Variants in FAP observed in about 807,000 individuals in gnomAD.
The protein encoded by FAP is fibroblast activation protein alpha.
Under a neutral mutation model 126.5 loss-of-function variants are expected in FAP, and 110 were observed. The observed-to-expected ratio is 0.87, with a 90% CI of 0.74 to 1.02. The LOEUF (loss-of-function observed/expected upper bound fraction) is 1.02. FAP is among the 50% of genes least tolerant of loss of function. The probability of loss-of-function intolerance (pLI) is 0.00; values close to 1 mark genes in which losing one functional copy is unlikely to be tolerated. For missense variants in FAP, 919 were observed against 909.2 expected, an observed-to-expected ratio of 1.01 and a Z score of -0.14; for synonymous variants, 334 against 297.3, an observed-to-expected ratio of 1.12 and a Z score of -1.27.
At chr2:162,217,749 C>T (rs1480197452) in intron 9 of FAP, among the ~76,000 whole-genome samples, 1 of 152,106 alleles carries the variant, frequency 6.6e-6, no homozygotes, top group South Asian at 2.1e-4. Context: ...ATGATCAAGA[C>T]CATATGTTTT....
chr2:162,212,211 A>T lies in FAP; in HGVS notation c.1002+1727T>A, dbSNP rs546155652. 4.6e-5 allele frequency among the ~76,000 whole-genome samples: 7 copies of T among 152,324 alleles called. No homozygotes were observed. In the East Asian group the frequency reaches 1.3e-3, roughly 29 times the overall value. On this transcript the variant is annotated intron_variant, in intron 11 of 25. Coordinates refer to ENST00000188790, the MANE Select transcript of FAP (RefSeq NM_004460.5). ...AATTAGAATTTCAGATTTCAAAGCA[A>T]TCACAGTTTTAAAATTCCTAGTTTT... is the stretch of plus-strand genomic sequence containing the variant.
At position 162,210,016 on chromosome 2, in the gene FAP, A is replaced by G. The variant is rs1688860646; in HGVS notation, c.1003-20T>C. On this transcript the variant is annotated intron_variant, in intron 11 of 25. Transcript: ENST00000188790. ...CTGGGTCTAAAAGACAAAAGATCAC[A>G]TCGAACATAGTATTAGGAGAACATT... 1 of 1,609,144 alleles carries G rather than the reference A, an allele frequency of 6.2e-7. No homozygotes were observed. The highest frequency in any genetic ancestry group is 1.3e-5 in the African/African-American group (1 of 74,906).
At chr2:162,192,139 T>G (rs1474402051) in intron 17 of FAP, among the ~76,000 whole-genome samples, 1 of 152,118 alleles carries the variant, frequency 6.6e-6, no homozygotes, top group Non-Finnish European at 1.5e-5. Context: ...TTTACAGCCA[T>G]CGTCCCACCA....
At chr2:162,192,585 G>C (rs2106231712) in intron 17 of FAP, among the ~76,000 whole-genome samples, 1 of 152,114 alleles carries the variant, frequency 6.6e-6, no homozygotes, top group Admixed American at 6.6e-5. Context: ...TCCAAGGCCT[G>C]AGTTACCACA....
At chr2:162,216,442 G>A (rs1689164165) in intron 9 of FAP, among the ~76,000 whole-genome samples, 1 of 151,962 alleles carries the variant, frequency 6.6e-6, no homozygotes. Context: ...TTTTGCTTTT[G>A]CCATATGATT....
rs536759386 is a variant in FAP at position 162,236,618 on chromosome 2, G to C, written c.91+6290C>G. Among the ~76,000 whole-genome samples the C allele has an allele frequency of 1.3e-4, 15 of 114,424 alleles. 1 individual carries two copies. Among genetic ancestry groups the C allele is most frequent in the African/African-American group, 6.9e-4 (10 of 14,544 alleles). 75.1% of individuals were successfully genotyped at this position (114,424 alleles called of 152,430 possible). On this transcript the variant is annotated intron_variant, in intron 2 of 25. Transcript: ENST00000188790. Reference sequence around the variant, plus strand: ...TATCTGATTTTGTTTTGTTTTTGGTGGGGGGGCAGGGAGACAGAGTCTTGC... The same window carrying C: ...TATCTGATTTTGTTTTGTTTTTGGTCGGGGGGCAGGGAGACAGAGTCTTGC...
intron 21 of FAP, among the ~76,000 whole-genome samples, chr2:162,177,192 C>T (rs530809688): frequency 1.3e-5 from 2 of 152,196 alleles, no homozygotes; most frequent in Admixed American, 6.6e-5. Context: ...TGCACTTAGA[C>T]GCCTTGCCAT....
chr2:162,211,240 C>T (rs2106262270), intron 11 of FAP, among the ~76,000 whole-genome samples: 1 of 152,262 alleles, frequency 6.6e-6, no homozygotes, highest in African/African-American at 2.4e-5. Context: ...GTGTTGGAAG[C>T]TAGTTAGCAG....
At chr2:162,200,835 T>C (rs1347181978) in intron 14 of FAP, among the ~76,000 whole-genome samples, 2 of 152,204 alleles carry the variant, frequency 1.3e-5, no homozygotes, top group African/African-American at 4.8e-5. Context: ...TGCTGAATAC[T>C]GTTTTTATTA....
Position 162,242,915 on chromosome 2 carries a change from A to G in FAP, c.84T>C (p.Pro28=), listed in dbSNP as rs1170759148. Residue 28 remains proline (P), a synonymous_variant, in exon 2 of 26, where the codon CCT becomes CCC. Transcript: ENST00000188790. ...ATCAGAGAAAGTTCTTACCTCTTGA[A>G]GGGCGTAAGACAATGCACATCACCA... ...ALLVMCIVLR[P]SRVHNSEENT... The G allele has an allele frequency of 1.2e-6, 2 of 1,612,380 alleles. No homozygotes were observed. Among genetic ancestry groups the G allele is most frequent in the Admixed American group, 3.3e-5 (2 of 59,842 alleles).
intron 2 of FAP, among the ~76,000 whole-genome samples, chr2:162,237,194 T>C (rs1287006616): frequency 6.6e-6 from 1 of 152,206 alleles, no homozygotes; most frequent in African/African-American, 2.4e-5. Flanking sequence ...GAGATCGTTT[T>C]ATTACATGCT....
chr2:162,203,220 A>T (rs1559776021), intron 12 of FAP, 75 bp from the exon 13 acceptor site: 1 of 871,474 alleles, frequency 1.1e-6, no homozygotes, highest in African/African-American at 1.7e-5. Context: ...TAATATATAA[A>T]AGCGACGTAT....
At position 162,243,166 on chromosome 2, in the gene FAP, T is replaced by G. The variant is rs1469683288; in HGVS notation, c.6+156A>C. The G allele has an allele frequency of 2.9e-5, 23 of 793,260 alleles. No individual in the cohort carries two copies. In the South Asian group the frequency reaches 3.8e-4, roughly 13 times the overall value. The allele number at this position is 793,260 out of a possible 1,614,324, so 49.1% of individuals were successfully genotyped here. A position where few individuals can be genotyped will look rare whatever the true frequency, so the allele number is the denominator to read the frequency against. On this transcript the variant is annotated intron_variant, in intron 1 of 25. Transcript: ENST00000188790. ...TTCCAGCTCTGCAAGGACAAATGTT[T>G]CTACAGTATATTTAGAACAATTTTC...
intron 4 of FAP, among the ~76,000 whole-genome samples, 154 bp from the exon 5 acceptor site, chr2:162,224,694 A>T (rs1689563221): frequency 6.6e-6 from 1 of 152,188 alleles, no homozygotes; most frequent in Non-Finnish European, 1.5e-5. Context: ...CTTAACTATA[A>T]TTCAAAGAAA....
At chr2:162,176,248 T>G (rs1687478625) in intron 21 of FAP, 1 of 152,134 alleles carries the variant, frequency 6.6e-6, no homozygotes, top group Non-Finnish European at 1.5e-5. Flanking sequence ...ATGCATGGAA[T>G]GGGAGAATCA....
intron 12 of FAP, among the ~76,000 whole-genome samples, chr2:162,205,165 T>A (rs1331340876): frequency 6.6e-6 from 1 of 152,240 alleles, no homozygotes; most frequent in African/African-American, 2.4e-5. Context: ...GATTTATGAA[T>A]TGTTTTTGTT....
intron 9 of FAP, among the ~76,000 whole-genome samples, chr2:162,217,323 A>T (rs1413238316): frequency 2.6e-5 from 4 of 152,044 alleles, no homozygotes; most frequent in African/African-American, 7.2e-5. Context: ...CTTTGATTCC[A>T]TTTTTTCTGA....
At chr2:162,192,860 G>A (rs1688102236) in intron 17 of FAP, among the ~76,000 whole-genome samples, 1 of 152,084 alleles carries the variant, frequency 6.6e-6, no homozygotes, top group Non-Finnish European at 1.5e-5. Flanking sequence ...TCGGGTTTGT[G>A]GTAGTTATCA....
intron 23 of FAP, 82 bp downstream of exon 23, chr2:162,173,641 C>T: frequency 1.0e-6 from 1 of 954,560 alleles, no homozygotes; most frequent in Non-Finnish European, 1.7e-6. Context: ...AGAATTAAAA[C>T]TGTAAATTCT....
Sources: allele counts gnomAD v4.1 joint callset (sites outside exome capture counted in the v4.1 genomes callset), GRCh38; gene constraint gnomAD v4.1.1; transcripts MANE v1.5; gene names NCBI Gene and HGNC (gene_info 2026-07-23, HGNC 2026-07-21).